Variants in CC2D2A observed in about 807,000 individuals in gnomAD.
CC2D2A encodes the protein coiled-coil and C2 domain-containing protein 2A.
In CC2D2A, 155 loss-of-function variants were observed where a neutral mutation model predicts 212.9. The observed-to-expected ratio is 0.73, with a 90% CI of 0.64 to 0.83. The LOEUF is 0.83. CC2D2A is among the 40% of genes least tolerant of loss of function. The pLI is 0.00. For missense variants in CC2D2A, 1,856 were observed against 1,956.2 expected (o/e 0.95, Z 0.97); for synonymous variants, 667 against 686.5 (o/e 0.97, Z 0.44).
rs533830027 is a variant in CC2D2A at position 15,540,995 on chromosome 4, C to T, written c.2162C>T (p.Pro721Leu). The stretch of plus-strand genomic sequence containing the variant: ...TTCAATTTGCAAATAGTCAACTGGC[C>T]GGAGAGTTTAACACTTCAGGTACAC... ...QIFNLQIVNW[P>L]ESLTLQVYET... The change falls in exon 17 of 37, where the codon CCG (proline) becomes CTG (leucine). Residue 721 changes from proline (P) to leucine (L), a missense_variant. Physicochemically the swap from Pro to Leu is moderately conservative, Grantham distance 98. Coordinates refer to ENST00000424120, the MANE Select transcript of CC2D2A (RefSeq NM_001378615.1). 53 of 1,549,498 alleles carry T rather than the reference C, an allele frequency of 3.4e-5. 1 individual carries two copies. The highest frequency in any genetic ancestry group is 2.0e-4 in the East Asian group (8 of 40,908).
At chr4:15,555,372 G>A (rs1719224214) in intron 20 of CC2D2A, among the ~76,000 whole-genome samples, 162 bp downstream of exon 20, 2 of 152,162 alleles carry the variant, frequency 1.3e-5, no homozygotes, top group Admixed American at 6.5e-5. Context: ...TGGGACCCAG[G>A]CAAGTATTCA....
At chr4:15,528,425 T>C (rs1717626163) in intron 12 of CC2D2A, among the ~76,000 whole-genome samples, 195 bp from the exon 13 acceptor site, 2 of 152,218 alleles carry the variant, frequency 1.3e-5, no homozygotes, top group East Asian at 3.8e-4. Flanking sequence ...CTAATCCAGT[T>C]TCTTCAAGAA....
At position 15,596,329 on chromosome 4, in the gene CC2D2A, G is replaced by A. The variant is rs1181851926; in HGVS notation, c.4437+122G>A. The A allele has an allele frequency of 1.8e-5, 14 of 798,922 alleles. No individual in the cohort carries two copies. In the East Asian group the frequency reaches 4.3e-4, roughly 24 times the overall value. The allele number at this position is 798,922 out of a possible 1,614,324, so 49.5% of individuals were successfully genotyped here. On this transcript the variant is annotated intron_variant, in intron 34 of 36. Transcript: ENST00000424120. ...CAGTATTTGTTTATCAAACGCATCT[G>A]AGCTCAACTCACAACAAGAAACAGA...
chr4:15,583,416 A>G (rs1720731981), intron 30 of CC2D2A, among the ~76,000 whole-genome samples: 1 of 152,208 alleles, frequency 6.6e-6, no homozygotes, highest in Admixed American at 6.5e-5. Flanking sequence ...TGCAGGTGAC[A>G]TGATCATAAA....
At chr4:15,493,265 T>TTAC (rs1560148729) in intron 4 of CC2D2A, among the ~76,000 whole-genome samples, 7 of 133,748 alleles carry the variant, frequency 5.2e-5, no homozygotes, top group African/African-American at 1.9e-4. Context: ...TATTTATTTA[T>TTAC]TTATTTACTT....
At chr4:15,519,617 G>C (rs1261791591) in intron 11 of CC2D2A, 1 of 435,010 alleles carries the variant, frequency 2.3e-6, no homozygotes, top group Admixed American at 2.5e-5. Context: ...TGGACTTACA[G>C]TTCCACATGG....
chr4:15,571,010 ATCT>A (rs1297173104), intron 28 of CC2D2A, among the ~76,000 whole-genome samples: 1 of 152,260 alleles, frequency 6.6e-6, no homozygotes, highest in African/African-American at 2.4e-5. Context: ...AAAGCCATTG[ATCT>A]TCTGTCACAT....
chr4:15,565,895 A>G (rs1719857163), intron 24 of CC2D2A, among the ~76,000 whole-genome samples: 1 of 152,188 alleles, frequency 6.6e-6, no homozygotes, highest in Non-Finnish European at 1.5e-5. Flanking sequence ...TACAGGCATG[A>G]ACCATTGCAT....
intron 29 of CC2D2A, among the ~76,000 whole-genome samples, chr4:15,574,769 A>G (rs1169036365): frequency 6.6e-6 from 1 of 152,226 alleles, no homozygotes; most frequent in African/African-American, 2.4e-5. Flanking sequence ...TCATAGGATC[A>G]TAAGACTAGA....
At chr4:15,471,505 AACAAAAC>A (rs1713817431) in intron 1 of CC2D2A, among the ~76,000 whole-genome samples, 1 of 152,128 alleles carries the variant, frequency 6.6e-6, no homozygotes, top group Non-Finnish European at 1.5e-5. Flanking sequence ...TTTTCTTAGT[AACAAAAC>A]CTACCAATAT....
intron 4 of CC2D2A, among the ~76,000 whole-genome samples, chr4:15,486,795 A>T (rs1715025241): frequency 6.6e-6 from 1 of 151,992 alleles, no homozygotes; most frequent in South Asian, 2.1e-4. Context: ...TTGCTATAAA[A>T]TTCCCTTCCG....
chr4:15,535,801 G>C (rs998127235), intron 14 of CC2D2A, among the ~76,000 whole-genome samples: 2 of 152,144 alleles, frequency 1.3e-5, no homozygotes, highest in African/African-American at 2.4e-5. Context: ...ACTTGTCTAA[G>C]TTTATGTAAA....
chr4:15,500,075 T>TTGTGTGTGTG (rs753590658), intron 4 of CC2D2A, among the ~76,000 whole-genome samples: 1 of 124,440 alleles, frequency 8.0e-6, no homozygotes, highest in African/African-American at 3.1e-5. Flanking sequence ...CAAACCTAGA[T>TTGTGTGTGTG]TGTGTGTGTG....
chr4:15,550,704 G>A (rs894987220), intron 17 of CC2D2A, 120 bp from the exon 18 acceptor site: 1 of 610,164 alleles, frequency 1.6e-6, no homozygotes, highest in African/African-American at 1.8e-5. Context: ...TCCACAATGA[G>A]ATGAGCCCTT....
Position 15,527,626 on chromosome 4 carries a change from G to A in CC2D2A, c.1329G>A (p.Gln443=). ...QLYDQYLARH[Q]RNKAKFLTDK... ...ATGACCAGTACCTTGCAAGACACCA[G>A]AGAAACAAGGCGAAATTTCTTACTG... is the stretch of plus-strand genomic sequence containing the variant. The change falls in exon 12 of 37, where the codon CAG becomes CAA. Residue 443 remains glutamine (Q), a synonymous_variant. Transcript: ENST00000424120. 1 of 1,611,126 alleles carries A rather than the reference G, an allele frequency of 6.2e-7. No homozygotes were observed. Among genetic ancestry groups the A allele is most frequent in the Non-Finnish European group, 8.5e-7 (1 of 1,178,536 alleles).
At chr4:15,535,725 G>C (rs1187900508) in intron 14 of CC2D2A, among the ~76,000 whole-genome samples, 1 of 152,124 alleles carries the variant, frequency 6.6e-6, no homozygotes, top group Non-Finnish European at 1.5e-5. Flanking sequence ...TGTGCCTTGG[G>C]GGACTGTAAA....
At position 15,527,554 on chromosome 4, in the gene CC2D2A, C is replaced by G. The variant is rs1230678056; in HGVS notation, c.1257C>G (p.Pro419=). The G allele has an allele frequency of 6.2e-7, 1 of 1,613,366 alleles. No individual in the cohort carries two copies. The highest frequency in any genetic ancestry group is 8.5e-7 in the Non-Finnish European group (1 of 1,179,672). The part of the protein sequence containing the change: ...DISGLIFTHH[P]CFSREHVLAA... ...CAGGGTTAATCTTCACTCATCATCC[C>G]TGTTTTAGCCGAGAGCATGTTTTGG... The change falls in exon 12 of 37, where the codon CCC becomes CCG. Residue 419 remains proline (P), a synonymous_variant. Coordinates refer to ENST00000424120, the MANE Select transcript of CC2D2A (RefSeq NM_001378615.1).
chr4:15,528,758 T>A, intron 13 of CC2D2A, 32 bp downstream of exon 13: 2 of 1,491,986 alleles, frequency 1.3e-6, no homozygotes, highest in Non-Finnish European at 1.9e-6. Flanking sequence ...TAACTACTTT[T>A]TTTCCCGTTA....
chr4:15,487,377 C>T (rs1361452953), intron 4 of CC2D2A, among the ~76,000 whole-genome samples: 3 of 152,034 alleles, frequency 2.0e-5, no homozygotes, highest in African/African-American at 7.2e-5. Flanking sequence ...GAATTGACCC[C>T]TTTATCATTG....
Sources: allele counts gnomAD v4.1 joint callset (sites outside exome capture counted in the v4.1 genomes callset), GRCh38; gene constraint gnomAD v4.1.1; transcripts MANE v1.5; gene names NCBI Gene and HGNC (gene_info 2026-07-23, HGNC 2026-07-21).